ELAC2: variants seen among roughly 807,000 people sequenced by gnomAD.
ELAC2 encodes the protein zinc phosphodiesterase ELAC protein 2.
ELAC2 carries 92 observed loss-of-function variants against 105.2 expected under a neutral mutation model. The ratio of observed to expected loss-of-function variants is 0.87; its 90% CI spans 0.74 to 1.04. ELAC2 has a LOEUF of 1.04. ELAC2 is among the 50% of genes least tolerant of loss of function. The pLI is 0.00. For synonymous variants in ELAC2, 468 were observed against 409.1 expected (o/e 1.14, Z -1.74); for missense variants, 1,099 against 1,071.7 (o/e 1.03, Z -0.36).
At chr17:13,003,449 C>T (rs376141450) in intron 12 of ELAC2, 30 bp downstream of exon 12, 2 of 1,604,638 alleles carry the variant, frequency 1.2e-6, no homozygotes, top group African/African-American at 2.7e-5. Flanking sequence ...AGAAGAGTTA[C>T]CCCAAGTGCC....
At position 13,017,939 on chromosome 17, in the gene ELAC2, C is replaced by G. The variant is rs764509473; in HGVS notation, c.9G>C (p.Ala3=). 1.6e-4 allele frequency: 245 copies of G among 1,536,902 alleles called. 2 individuals carry two copies. The highest frequency in any genetic ancestry group is 2.1e-4 in the Middle Eastern group (1 of 4,790). MW[A]LCSLLRSAAG... ...CCGCGGACCGCAGCAGCGAGCAAAG[C>G]GCCCACATGCGCCCGTCTCCACCAA... The change falls in exon 1 of 24, where the codon GCG becomes GCC. Residue 3 remains alanine (A), a synonymous_variant. Coordinates refer to ENST00000338034, the MANE Select transcript of ELAC2 (RefSeq NM_018127.7).
In ELAC2 at chr17:13,011,847, C is replaced by A; in HGVS notation, c.560-65G>T. On this transcript the variant is annotated intron_variant, in intron 6 of 23. Coordinates refer to ENST00000338034, the MANE Select transcript of ELAC2 (RefSeq NM_018127.7). ...GGTGAGCTGACAGCCAAGGCCCAGACGTTCATACATGGGAATGCCAGAACG... is the reference window on the plus strand; with the variant it reads ...GGTGAGCTGACAGCCAAGGCCCAGAAGTTCATACATGGGAATGCCAGAACG... 2.5e-6 allele frequency: 4 copies of A among 1,612,744 alleles called. No homozygotes were observed. The South Asian group carries it at 3.3e-5, about 13-fold the overall frequency.
At position 13,017,853 on chromosome 17, in the gene ELAC2, G is replaced by T; in HGVS notation, c.95C>A (p.Pro32Gln). 6.4e-7 allele frequency: 1 copy of T among 1,565,728 alleles called. No homozygotes were observed. The highest frequency in any genetic ancestry group is 1.2e-5 in the South Asian group (1 of 86,354). ...CAGGTGCCGCAGCGGGTCCTTGCGC[G>T]GCCGCTCGCGGCGGGCGGGTGCCTG... ...ISQAPARRER[P>Q]RKDPLRHLRT... Residue 32 changes from proline to glutamine, a missense_variant, in exon 1 of 24, where the codon CCG (proline) becomes CAG (glutamine). Physicochemically the swap from Pro to Gln is moderately conservative, Grantham distance 76 (BLOSUM62 -1). Coordinates refer to ENST00000338034, the MANE Select transcript of ELAC2 (RefSeq NM_018127.7).
chr17:13,017,912 G>T lies in ELAC2; in HGVS notation c.36C>A (p.Ala12=), dbSNP rs1370293116. 15 of 1,540,730 alleles carry T rather than the reference G, an allele frequency of 9.7e-6. No homozygotes were observed. In the East Asian group the frequency reaches 9.8e-5, roughly 10 times the overall value. ...WALCSLLRSA[A]GRTMSQGRTI... ...TGCGTCCCTGCGACATGGTGCGTCC[G>T]GCCGCGGACCGCAGCAGCGAGCAAA... The change falls in exon 1 of 24, where the codon GCC becomes GCA. Residue 12 remains alanine (A), a synonymous_variant. Transcript: ENST00000338034.
rs550698565 is a variant in ELAC2, at chr17:13,011,238, G to T, written c.679+425C>A. Among the ~76,000 whole-genome samples the T allele has an allele frequency of 2.6e-5, 4 of 152,298 alleles. No individual in the cohort carries two copies. In the South Asian group the frequency reaches 6.2e-4, roughly 24 times the overall value. On this transcript the variant is annotated intron_variant, in intron 7 of 23. Coordinates refer to ENST00000338034, the MANE Select transcript of ELAC2 (RefSeq NM_018127.7). ...CATCTCATCTTGGACTTTTAACTCC[G>T]TTTCCCAGTGGGCTGTCATTCTGGA...
rs1329100874 is a variant in ELAC2, at chr17:13,015,817, AAAGT to A, written c.379_382del (p.Thr127Ter). 1.9e-6 allele frequency: 3 copies of A among 1,614,024 alleles called. No individual in the cohort carries two copies. The highest frequency in any genetic ancestry group is 1.7e-5 in the Admixed American group (1 of 60,032). ...ACACTTTGGAAGCCCGGTTTCCTTT[AAAGT>A]AAGAATCATTCCTAAAAAGGATGCA... On this transcript the variant is annotated frameshift_variant, in exon 4 of 24. Transcript: ENST00000338034. LOFTEE classifies it high-confidence loss of function.
chr17:13,003,766 C>T lies in ELAC2; in HGVS notation c.984-192G>A, dbSNP rs186644441. 6.6e-3 allele frequency: 4,008 copies of T among 610,068 alleles called. 47 individuals are homozygous for T. The highest frequency in any genetic ancestry group is 8.2e-3 in the Non-Finnish European group (2,781 of 337,538). 37.8% of individuals were successfully genotyped at this position (610,068 alleles called of 1,614,324 possible). On this transcript the variant is annotated intron_variant, in intron 11 of 23. Transcript: ENST00000338034. ...CCGGTGCTGGGCCATTTCCAATGGACGTGGGATTCCTGTATCTGGCAAGCT... is the reference window on the plus strand; with the variant it reads ...CCGGTGCTGGGCCATTTCCAATGGATGTGGGATTCCTGTATCTGGCAAGCT...
At chr17:13,010,710 G>A (rs1401883811) in intron 7 of ELAC2, 39 bp from the exon 8 acceptor site, 9 of 1,588,164 alleles carry the variant, frequency 5.7e-6, no homozygotes, top group South Asian at 1.1e-5. Flanking sequence ...AGGTAAATGT[G>A]AAAGCTGTGA....
chr17:13,000,304 G>T, intron 14 of ELAC2, 30 bp from the exon 15 acceptor site: 2 of 1,600,024 alleles, frequency 1.2e-6, no homozygotes, highest in Non-Finnish European at 1.7e-6. Context: ...CATCTCAGGT[G>T]ACGGACAGGG....
intron 1 of ELAC2, 101 bp downstream of exon 1, chr17:13,017,602 T>C (rs2041816949): frequency 7.0e-6 from 11 of 1,579,584 alleles, no homozygotes; most frequent in East Asian, 2.3e-5. Flanking sequence ...GTGAACCACA[T>C]GTGTGAAGCA....
At position 13,017,971 on chromosome 17, in the gene ELAC2, G is replaced by A. The variant is rs2041847326; in HGVS notation, c.-24C>T. The A allele has an allele frequency of 2.0e-6, 3 of 1,534,688 alleles. No individual in the cohort carries two copies. Among genetic ancestry groups the A allele is most frequent in the African/African-American group, 2.7e-5 (2 of 72,938 alleles). On this transcript the variant is annotated 5_prime_UTR_variant, in exon 1 of 24. Coordinates refer to ENST00000338034, the MANE Select transcript of ELAC2 (RefSeq NM_018127.7). ...ATGCGCCCGTCTCCACCAAAACTGA[G>A]AAAGCCGCCGGTCACCTACGCCCGC...
intron 11 of ELAC2, among the ~76,000 whole-genome samples, chr17:13,004,665 A>G (rs547905305): frequency 6.6e-6 from 1 of 152,352 alleles, no homozygotes; most frequent in Non-Finnish European, 1.5e-5. Context: ...TTCAGTTCAA[A>G]ATAATCCAAA....
intron 6 of ELAC2, among the ~76,000 whole-genome samples, chr17:13,013,001 A>G (rs1420419297): frequency 6.6e-6 from 1 of 152,246 alleles, no homozygotes; most frequent in Non-Finnish European, 1.5e-5. Flanking sequence ...CCAAAGCATA[A>G]TCACTATCAT....
At chr17:12,996,736 G>T in intron 16 of ELAC2, 51 bp from the exon 17 acceptor site, 1 of 1,600,250 alleles carries the variant, frequency 6.2e-7, no homozygotes. Context: ...GACTGCTGAT[G>T]GTTCAGAGGC....
chr17:13,016,745 CAAAAAAAAA>C (rs879009279), intron 3 of ELAC2, 108 bp downstream of exon 3: 9 of 648,560 alleles, frequency 1.4e-5, no homozygotes, highest in South Asian at 3.9e-5. Flanking sequence ...ACGCCACTGA[CAAAAAAAAA>C]AAAAAAAAAA....
intron 11 of ELAC2, 129 bp from the exon 12 acceptor site, chr17:13,003,703 C>T: frequency 1.3e-6 from 1 of 793,256 alleles, no homozygotes; most frequent in Admixed American, 2.0e-5. Context: ...CCTCCACGCC[C>T]AGGCCATGCT....
intron 14 of ELAC2, among the ~76,000 whole-genome samples, chr17:13,001,840 A>G (rs1241924310): frequency 6.6e-6 from 1 of 152,230 alleles, no homozygotes. Context: ...ATACAGGAAA[A>G]GACTGACAAT....
At position 12,992,549 on chromosome 17, in the gene ELAC2, A is replaced by G; in HGVS notation, c.*269T>C. ...GCCGTCTGTTTCCAAGACTTCTTTA[A>G]AAACTGCCTTGAAATGAAATTAGTT... On this transcript the variant is annotated 3_prime_UTR_variant, in exon 24 of 24. Transcript: ENST00000338034. 5.6e-6 allele frequency: 3 copies of G among 531,960 alleles called. No homozygotes were observed. Among genetic ancestry groups the G allele is most frequent in the Non-Finnish European group, 1.0e-5 (3 of 294,914 alleles). 33.0% of individuals were successfully genotyped at this position (531,960 alleles called of 1,614,324 possible). A position where few individuals can be genotyped will look rare whatever the true frequency, so the allele number is the denominator to read the frequency against.
rs1418126878 is a variant in ELAC2 at position 13,014,356 on chromosome 17, T to C, written c.490+83A>G. On this transcript the variant is annotated intron_variant, in intron 5 of 23. Coordinates refer to ENST00000338034, the MANE Select transcript of ELAC2 (RefSeq NM_018127.7). ...ATTTGATTTTGAGGTTTGATGTTGATGTTTTTAATGGATTCTAATTTGAGA... is the reference window on the plus strand; with the variant it reads ...ATTTGATTTTGAGGTTTGATGTTGACGTTTTTAATGGATTCTAATTTGAGA... The C allele has an allele frequency of 4.8e-6, 5 of 1,050,652 alleles. 1 individual carries two copies. Among genetic ancestry groups the C allele is most frequent in the South Asian group, 3.8e-5 (3 of 78,826 alleles). 65.1% of individuals were successfully genotyped at this position (1,050,652 alleles called of 1,614,324 possible). A position where few individuals can be genotyped will look rare whatever the true frequency, so the allele number is the denominator to read the frequency against.
Sources: allele counts gnomAD v4.1 joint callset (sites outside exome capture counted in the v4.1 genomes callset), GRCh38; gene constraint gnomAD v4.1.1; transcripts MANE v1.5; gene names NCBI Gene and HGNC (gene_info 2026-07-23, HGNC 2026-07-21).